IFT122: variants seen among roughly 807,000 people sequenced by gnomAD.
IFT122 encodes the protein intraflagellar transport protein 122 homolog.
Under a neutral mutation model 161.6 loss-of-function variants are expected in IFT122, and 118 were observed. That is an observed-to-expected ratio of 0.73 (90% CI 0.63 to 0.85). The LOEUF (loss-of-function observed/expected upper bound fraction) is 0.85, where lower values mean the gene tolerates loss of function less well. IFT122 is among the 40% of genes least tolerant of loss of function. The pLI is 0.00. For synonymous variants in IFT122, 550 were observed against 602.4 expected, an observed-to-expected ratio of 0.91 and a Z score of 1.27; for missense variants, 1,381 against 1,579.6, an observed-to-expected ratio of 0.87 and a Z score of 2.13.
At chr3:129,509,754 T>G (rs1309255184) in intron 23 of IFT122, among the ~76,000 whole-genome samples, 1 of 152,220 alleles carries the variant, frequency 6.6e-6, no homozygotes, top group African/African-American at 2.4e-5. Context: ...CTGGAGCCTG[T>G]GTTCCTAGCC....
At chr3:129,502,909 T>G in intron 20 of IFT122, 27 bp downstream of exon 20, 2 of 1,604,094 alleles carry the variant, frequency 1.2e-6, no homozygotes, top group Non-Finnish European at 1.7e-6. Flanking sequence ...CCTCATGGGC[T>G]GGGGCCCCAC....
intron 21 of IFT122, among the ~76,000 whole-genome samples, chr3:129,505,327 G>A (rs1162679499): frequency 3.3e-5 from 5 of 152,124 alleles, no homozygotes; most frequent in South Asian, 2.1e-4. Context: ...TCTGATTTAC[G>A]CTTCTATATG....
At chr3:129,489,382 T>G (rs1021409397) in intron 16 of IFT122, among the ~76,000 whole-genome samples, 3 of 152,192 alleles carry the variant, frequency 2.0e-5, no homozygotes, top group East Asian at 3.9e-4. Flanking sequence ...GCTGCAGTCA[T>G]GAGGCTTAAC....
intron 25 of IFT122, chr3:129,514,941 A>C: frequency 2.6e-6 from 1 of 391,394 alleles, no homozygotes; most frequent in South Asian, 2.2e-5. Context: ...GTTCTCCAGC[A>C]AATCTACCCC....
At chr3:129,471,160 G>A (rs532526957) in intron 9 of IFT122, among the ~76,000 whole-genome samples, 14 of 152,332 alleles carry the variant, frequency 9.2e-5, no homozygotes, top group African/African-American at 3.4e-4. Flanking sequence ...CTTTAATTGC[G>A]TAGCATCCTT....
intron 23 of IFT122, 106 bp downstream of exon 23, chr3:129,507,868 C>T (rs896314089): frequency 1.2e-6 from 1 of 857,532 alleles, no homozygotes; most frequent in Non-Finnish European, 2.0e-6. Flanking sequence ...CCACTGGTCA[C>T]AGTGAACTGC....
In IFT122 at chr3:129,499,742, T is replaced by C. The variant is rs566811334; in HGVS notation, c.2209-160T>C. 2.0e-5 allele frequency among the ~76,000 whole-genome samples: 3 copies of C among 152,280 alleles called. No individual in the cohort carries two copies. The South Asian group carries it at 6.2e-4, about 32-fold the overall frequency. ...GCCTGAGATCACTCTTCCCGAGACC[T>C]GGGACTCCCCCAACTCAGCCCCTCA... On this transcript the variant is annotated intron_variant, in intron 18 of 29. Coordinates refer to ENST00000348417, the MANE Select transcript of IFT122 (RefSeq NM_052989.3).
intron 15 of IFT122, among the ~76,000 whole-genome samples, chr3:129,484,871 C>G (rs1209147169): frequency 6.6e-6 from 1 of 152,234 alleles, no homozygotes; most frequent in Non-Finnish European, 1.5e-5. Context: ...TTTCCCCCAA[C>G]GGTAACAGTG....
intron 27 of IFT122, among the ~76,000 whole-genome samples, chr3:129,518,496 G>C (rs1009198600): frequency 6.6e-6 from 1 of 152,212 alleles, no homozygotes; most frequent in Non-Finnish European, 1.5e-5. Context: ...AGCTCAGAGA[G>C]CTGCTTGCTG....
chr3:129,512,591 G>A, intron 24 of IFT122, 179 bp downstream of exon 24: 2 of 645,428 alleles, frequency 3.1e-6, no homozygotes, highest in South Asian at 1.8e-5. Context: ...AGGCCCAGGG[G>A]CCCAGGCCAA....
At chr3:129,486,429 T>C (rs2079290413) in intron 15 of IFT122, among the ~76,000 whole-genome samples, 1 of 152,242 alleles carries the variant, frequency 6.6e-6, no homozygotes, top group South Asian at 2.1e-4. Context: ...TTTCTCCTTA[T>C]TACTGACTCA....
chr3:129,489,869 G>A (rs1298170540), intron 16 of IFT122, among the ~76,000 whole-genome samples: 3 of 151,168 alleles, frequency 2.0e-5, no homozygotes, highest in Non-Finnish European at 4.4e-5. Context: ...ATTCAGAGGA[G>A]GGAGGAGGCA....
intron 26 of IFT122, among the ~76,000 whole-genome samples, chr3:129,516,773 GAC>G (rs1254958185): frequency 1.0e-4 from 3 of 29,324 alleles, no homozygotes; most frequent in Admixed American, 4.1e-4. Flanking sequence ...CCTGCACACA[GAC>G]ACACAGAGAC....
intron 3 of IFT122, among the ~76,000 whole-genome samples, chr3:129,453,902 C>A (rs552430033): frequency 1.3e-5 from 2 of 152,264 alleles, no homozygotes; most frequent in Admixed American, 6.5e-5. Context: ...CAACCCAACA[C>A]CAGAGTTCTG....
At chr3:129,445,912 G>A (rs1446975897) in intron 1 of IFT122, among the ~76,000 whole-genome samples, 1 of 152,162 alleles carries the variant, frequency 6.6e-6, no homozygotes, top group African/African-American at 2.4e-5. Flanking sequence ...TTGATTTTTA[G>A]ATTACTGGTA....
At chr3:129,489,097 C>T (rs1434094802) in intron 16 of IFT122, among the ~76,000 whole-genome samples, 1 of 152,218 alleles carries the variant, frequency 6.6e-6, no homozygotes, top group African/African-American at 2.4e-5. Flanking sequence ...TCCCCTACCC[C>T]TTCCCTCTTT....
rs765368836 is a variant in IFT122 at position 129,520,166 on chromosome 3, C to T, written c.3637-10C>T. 5 of 1,609,092 alleles carry T rather than the reference C, an allele frequency of 3.1e-6. No individual in the cohort carries two copies. The highest frequency in any genetic ancestry group is 2.2e-5 in the East Asian group (1 of 44,870). The stretch of plus-strand genomic sequence containing the variant: ...GGCTTCAGCCTGGTCTTACAGCTGT[C>T]TTCCCTTAGATGTTCCATTCTGAGG... On this transcript the variant is annotated splice_polypyrimidine_tract_variant and intron_variant, in intron 29 of 29. Coordinates refer to ENST00000348417, the MANE Select transcript of IFT122 (RefSeq NM_052989.3).
Position 129,502,596 on chromosome 3 carries a change from A to C in IFT122, c.2376-115A>C. Reference sequence around the variant, plus strand: ...GCATTTAATAACTACCCACTGAGCAACTCCCATGGGCCATGGCATAGTATC... The same window carrying C: ...GCATTTAATAACTACCCACTGAGCACCTCCCATGGGCCATGGCATAGTATC... On this transcript the variant is annotated intron_variant, in intron 19 of 29. Coordinates refer to ENST00000348417, the MANE Select transcript of IFT122 (RefSeq NM_052989.3). 4 of 1,186,242 alleles carry C rather than the reference A, an allele frequency of 3.4e-6. 1 individual carries two copies. In the South Asian group the frequency reaches 4.9e-5, roughly 14 times the overall value. 73.5% of individuals were successfully genotyped at this position (1,186,242 alleles called of 1,614,324 possible). A position where few individuals can be genotyped will look rare whatever the true frequency, so the allele number is the denominator to read the frequency against.
intron 3 of IFT122, among the ~76,000 whole-genome samples, chr3:129,457,428 T>A (rs573119755): frequency 6.6e-6 from 1 of 152,220 alleles, no homozygotes; most frequent in Non-Finnish European, 1.5e-5. Context: ...CGTTCCATGA[T>A]GACTCCGCTC....
Sources: allele counts gnomAD v4.1 joint callset (sites outside exome capture counted in the v4.1 genomes callset), GRCh38; gene constraint gnomAD v4.1.1; transcripts MANE v1.5; gene names NCBI Gene and HGNC (gene_info 2026-07-23, HGNC 2026-07-21).